CTNNA3: variants seen among roughly 807,000 people sequenced by gnomAD.
CTNNA3 encodes catenin alpha 3, also known as catenin alpha-3.
In CTNNA3, 76 loss-of-function variants were observed where a neutral mutation model predicts 95.7. The observed-to-expected ratio is 0.79, with a 90% CI of 0.66 to 0.96. The LOEUF is 0.96. CTNNA3 is among the 40% of genes least tolerant of loss of function. The pLI is 0.00. For missense variants in CTNNA3, 1,191 were observed against 1,089.8 expected, an observed-to-expected ratio of 1.09 and a Z score of -1.31; for synonymous variants, 431 against 374.4, an observed-to-expected ratio of 1.15 and a Z score of -1.74.
chr10:66,964,953 A>C (rs536913743), intron 7 of CTNNA3, among the ~76,000 whole-genome samples: 1 of 152,300 alleles, frequency 6.6e-6, no homozygotes, highest in Non-Finnish European at 1.5e-5. Context: ...AATAATAGAA[A>C]ATTTAAAGCT....
intron 2 of CTNNA3, among the ~76,000 whole-genome samples, chr10:67,630,520 G>A (rs1001417521): frequency 6.6e-6 from 1 of 152,156 alleles, no homozygotes; most frequent in African/African-American, 2.4e-5. Context: ...TTAAGCCTCT[G>A]AGATTTGGGG....
intron 5 of CTNNA3, among the ~76,000 whole-genome samples, chr10:67,243,166 T>C (rs754690138): frequency 3.9e-5 from 6 of 152,114 alleles, no homozygotes; most frequent in Non-Finnish European, 8.8e-5. Context: ...TTGTGTTTCC[T>C]ACACTCCCAC....
Position 66,479,865 on chromosome 10 carries a change from T to C in CTNNA3, c.1531+40752A>G, listed in dbSNP as rs367956169. Among the ~76,000 whole-genome samples the C allele has an allele frequency of 4.3e-4, 66 of 152,164 alleles. 1 individual carries two copies. The South Asian group carries it at 0.012, about 28-fold the overall frequency. Reference sequence around the variant, plus strand: ...TTTTATGTGCCCTACAAGATACTTATATCAATCGAACATCTTTCTGCACAT... The same window carrying C: ...TTTTATGTGCCCTACAAGATACTTACATCAATCGAACATCTTTCTGCACAT... On this transcript the variant is annotated intron_variant, in intron 11 of 17. Coordinates refer to ENST00000433211, the MANE Select transcript of CTNNA3 (RefSeq NM_013266.4).
chr10:66,595,827 A>G (rs55902702), intron 10 of CTNNA3, among the ~76,000 whole-genome samples: 1 of 151,482 alleles, frequency 6.6e-6, no homozygotes, highest in African/African-American at 2.4e-5. Flanking sequence ...TTATTTATTT[A>G]TTTGTAGAGA....
chr10:66,974,703 A>G (rs1284023249), intron 7 of CTNNA3, among the ~76,000 whole-genome samples: 1 of 151,974 alleles, frequency 6.6e-6, no homozygotes, highest in Non-Finnish European at 1.5e-5. Flanking sequence ...TTGTTTTGTC[A>G]TTTTAATGAG....
At position 67,024,761 on chromosome 10, in the gene CTNNA3, C is replaced by A. The variant is rs147726427; in HGVS notation, c.1047+155556G>T. Among the ~76,000 whole-genome samples, 851 of 152,246 alleles carry A rather than the reference C, an allele frequency of 5.6e-3. 25 individuals carry two copies. The highest frequency in any genetic ancestry group is 0.045 in the Admixed American group (692 of 15,298). On this transcript the variant is annotated intron_variant, in intron 7 of 17. Coordinates refer to ENST00000433211, the MANE Select transcript of CTNNA3 (RefSeq NM_013266.4). ...TCAGAGCCTACTAAACATTCTTTGG[C>A]ATGTCATTGATGTTGCTTTAAATAT...
chr10:65,986,745 A>C (rs1283377141), intron 16 of CTNNA3, among the ~76,000 whole-genome samples: 1 of 151,832 alleles, frequency 6.6e-6, no homozygotes, highest in Admixed American at 6.6e-5. Flanking sequence ...AAGACCCTGA[A>C]TAGCCAAAGC....
At chr10:66,796,982 T>G (rs1381002311) in intron 7 of CTNNA3, among the ~76,000 whole-genome samples, 2 of 152,056 alleles carry the variant, frequency 1.3e-5, no homozygotes, top group Non-Finnish European at 2.9e-5. Context: ...TTTCAGTTTA[T>G]ATTTCTAGCC....
intron 15 of CTNNA3, among the ~76,000 whole-genome samples, chr10:66,050,298 C>T (rs1386337518): frequency 1.3e-5 from 2 of 151,610 alleles, no homozygotes; most frequent in Non-Finnish European, 2.9e-5. Flanking sequence ...AACTCTCTAT[C>T]ATCCTCAGAA....
rs1158905990 is a variant in CTNNA3, at chr10:67,647,698, G to A, written c.-5-180C>T. ...CAGAGAAAGAAGATATTCCCCAACTGTTCCCTGAGGTCATGCTGCCTGGGC... is the reference window on the plus strand; with the variant it reads ...CAGAGAAAGAAGATATTCCCCAACTATTCCCTGAGGTCATGCTGCCTGGGC... On this transcript the variant is annotated intron_variant, in intron 1 of 17. Coordinates refer to ENST00000433211, the MANE Select transcript of CTNNA3 (RefSeq NM_013266.4). Among the ~76,000 whole-genome samples the A allele has an allele frequency of 2.6e-5, 4 of 152,116 alleles. No homozygotes were observed. In the East Asian group the frequency reaches 7.7e-4, roughly 29 times the overall value.
At chr10:67,276,279 T>C (rs1346837771) in intron 5 of CTNNA3, among the ~76,000 whole-genome samples, 1 of 152,148 alleles carries the variant, frequency 6.6e-6, no homozygotes, top group Non-Finnish European at 1.5e-5. Flanking sequence ...CTTGTTGAGT[T>C]TGCCTGTTTA....
At chr10:67,503,859 A>G (rs190932600) in intron 5 of CTNNA3, among the ~76,000 whole-genome samples, 30 of 152,320 alleles carry the variant, frequency 2.0e-4, no homozygotes, top group Admixed American at 1.0e-3. Flanking sequence ...AAACCGCTTA[A>G]AAACAGAGTA....
At chr10:66,206,672 T>G (rs1194643697) in intron 13 of CTNNA3, among the ~76,000 whole-genome samples, 3 of 151,836 alleles carry the variant, frequency 2.0e-5, no homozygotes, top group African/African-American at 7.2e-5. Context: ...TTGCAGAGAT[T>G]TGGCCATATC....
chr10:66,930,679 C>A (rs867111459), intron 7 of CTNNA3, among the ~76,000 whole-genome samples: 2 of 152,052 alleles, frequency 1.3e-5, no homozygotes, highest in African/African-American at 4.8e-5. Context: ...AATATGCTTG[C>A]TGTATTGAAA....
chr10:67,155,534 T>C (rs1861273265), intron 7 of CTNNA3, among the ~76,000 whole-genome samples: 2 of 23,324 alleles, frequency 8.6e-5, no homozygotes, highest in African/African-American at 6.8e-4. Context: ...AATATATGTG[T>C]GTGTGTGTGT....
At chr10:67,013,218 T>C (rs1852449968) in intron 7 of CTNNA3, among the ~76,000 whole-genome samples, 1 of 151,604 alleles carries the variant, frequency 6.6e-6, no homozygotes, top group South Asian at 2.1e-4. Flanking sequence ...CAAATGCATC[T>C]GGTGTCTGTC....
chr10:67,660,079 G>C (rs1840135404), intron 1 of CTNNA3, among the ~76,000 whole-genome samples: 1 of 152,128 alleles, frequency 6.6e-6, no homozygotes, highest in South Asian at 2.1e-4. Context: ...GGGAATTTCA[G>C]CTTCTTCTGT....
chr10:66,482,357 A>C (rs530183007), intron 11 of CTNNA3, among the ~76,000 whole-genome samples: 5 of 152,258 alleles, frequency 3.3e-5, no homozygotes, highest in Non-Finnish European at 7.3e-5. Context: ...CTAATAACTA[A>C]GGCTTACTGA....
intron 11 of CTNNA3, among the ~76,000 whole-genome samples, chr10:66,507,927 A>T (rs1470770008): frequency 1.4e-5 from 2 of 148,006 alleles, no homozygotes; most frequent in African/African-American, 5.0e-5. Context: ...AAACCTCAAT[A>T]GTATTTTCCA....
Sources: allele counts gnomAD v4.1 joint callset (sites outside exome capture counted in the v4.1 genomes callset), GRCh38; gene constraint gnomAD v4.1.1; transcripts MANE v1.5; gene names NCBI Gene and HGNC (gene_info 2026-07-23, HGNC 2026-07-21).